The following NIPBL variants were observed in gnomAD, a reference collection of about 807,000 sequenced individuals.
NIPBL encodes the protein NIPBL cohesin loading factor.
Under a neutral mutation model 321.8 loss-of-function variants are expected in NIPBL, and 19 were observed. The ratio of observed to expected loss-of-function variants is 0.06; its 90% CI spans 0.04 to 0.09. NIPBL has a LOEUF of 0.09. Ranked by LOEUF, NIPBL falls within the 10% of genes least tolerant of loss-of-function variation. The pLI, the probability that NIPBL is intolerant of heterozygous loss-of-function variation, is 1.00. For synonymous variants in NIPBL, 1,106 were observed against 1,114.1 expected, an observed-to-expected ratio of 0.99 and a Z score of 0.14; for missense variants, 2,210 against 3,327.0, an observed-to-expected ratio of 0.66 and a Z score of 8.26.
Position 36,985,685 on chromosome 5 carries a change from G to T in NIPBL, c.2505G>T (p.Gly835=), listed in dbSNP as rs587783908. 2.5e-5 allele frequency: 40 copies of T among 1,613,690 alleles called. No individual in the cohort carries two copies. The highest frequency in any genetic ancestry group is 3.3e-5 in the Non-Finnish European group (39 of 1,179,962). The part of the protein sequence containing the change: ...DDRGESERHR[G]DQSRVRRPET... ...GGGGTGAATCAGAGCGACATCGAGG[G>T]GATCAGTCTAGGGTTCGAAGACCAG... Residue 835 remains glycine (G), a synonymous_variant, in exon 10 of 47, where the codon GGG becomes GGT. Coordinates refer to ENST00000282516, the MANE Select transcript of NIPBL (RefSeq NM_133433.4).
In NIPBL at chr5:37,026,436, AT is replaced by A. The variant is rs1040832379; in HGVS notation, c.5808+112del. On this transcript the variant is annotated intron_variant, in intron 31 of 46. Coordinates refer to ENST00000282516, the MANE Select transcript of NIPBL (RefSeq NM_133433.4). ...AATGAGATATTTCATTAATCTTGAC[AT>A]TTCGTACTGCTGCCTTTACTTTATA... is the stretch of plus-strand genomic sequence containing the variant. 21 of 725,430 alleles carry A rather than the reference AT, an allele frequency of 2.9e-5. No individual in the cohort carries two copies. In the African/African-American group the frequency reaches 3.0e-4, roughly 10 times the overall value. The allele number at this position is 725,430 out of a possible 1,614,324, so 44.9% of individuals were successfully genotyped here.
At chr5:36,907,724 C>G (rs1747746285) in intron 1 of NIPBL, among the ~76,000 whole-genome samples, 1 of 152,120 alleles carries the variant, frequency 6.6e-6, no homozygotes, top group Non-Finnish European at 1.5e-5. Flanking sequence ...CATATGTTAC[C>G]TTTACAATAA....
intron 6 of NIPBL, among the ~76,000 whole-genome samples, chr5:36,964,258 T>A (rs991023080): frequency 2.0e-5 from 3 of 152,008 alleles, no homozygotes; most frequent in Non-Finnish European, 4.4e-5. Context: ...CAGAAAAAAT[T>A]TATATGGAAC....
chr5:36,952,051 T>TGCGCGCGCGCGC (rs1554010252), intron 1 of NIPBL, among the ~76,000 whole-genome samples: 2 of 102,802 alleles, frequency 1.9e-5, no homozygotes, highest in Non-Finnish European at 4.6e-5. Flanking sequence ...TGTGTGTGTG[T>TGCGCGCGCGCGC]GTGCGCGCGC....
chr5:36,965,428 A>AGT (rs1393497074), intron 6 of NIPBL, among the ~76,000 whole-genome samples: 1 of 152,130 alleles, frequency 6.6e-6, no homozygotes, highest in East Asian at 1.9e-4. Flanking sequence ...AACACAGACA[A>AGT]ATATTATATG....
rs1481700624 is a variant in NIPBL at position 37,057,016 on chromosome 5, C to T, written c.7264-170C>T. On this transcript the variant is annotated intron_variant, in intron 42 of 46. Coordinates refer to ENST00000282516, the MANE Select transcript of NIPBL (RefSeq NM_133433.4). ...CCCCCTCTATATTTCTCTCCCTCCT[C>T]CTCTCCCTCTGTCTCTCTGTGTCTC... Among the ~76,000 whole-genome samples the T allele has an allele frequency of 3.9e-5, 6 of 152,086 alleles. No homozygotes were observed. In the South Asian group the frequency reaches 1.0e-3, roughly 26 times the overall value.
intron 1 of NIPBL, among the ~76,000 whole-genome samples, chr5:36,912,519 T>TGG (rs1554059946): frequency 2.0e-5 from 3 of 150,478 alleles, no homozygotes; most frequent in African/African-American, 7.4e-5. Context: ...TTTTTTTTTT[T>TGG]GGGGATGGAA....
intron 34 of NIPBL, among the ~76,000 whole-genome samples, chr5:37,039,064 AT>A (rs1450373579): frequency 6.6e-6 from 1 of 151,980 alleles, no homozygotes; most frequent in Non-Finnish European, 1.5e-5. Context: ...TTTACTTTTC[AT>A]TTGTCTGTCA....
intron 1 of NIPBL, among the ~76,000 whole-genome samples, chr5:36,918,456 C>T (rs1748652692): frequency 6.6e-6 from 1 of 152,136 alleles, no homozygotes; most frequent in Admixed American, 6.5e-5. Flanking sequence ...AATATACAGT[C>T]ATGTCATCTG....
intron 1 of NIPBL, among the ~76,000 whole-genome samples, chr5:36,899,671 T>C (rs1009901299): frequency 6.6e-6 from 1 of 152,218 alleles, no homozygotes; most frequent in Non-Finnish European, 1.5e-5. Context: ...CCTCCTGATT[T>C]TGTATTTTAG....
At chr5:37,041,260 T>TTTG (rs1561200174) in intron 34 of NIPBL, among the ~76,000 whole-genome samples, 1 of 121,946 alleles carries the variant, frequency 8.2e-6, no homozygotes, top group African/African-American at 3.4e-5. Flanking sequence ...TGGTTTTTTT[T>TTTG]TTTTTTTTTT....
At position 36,968,601 on chromosome 5, in the gene NIPBL, C is replaced by T. The variant is rs564751636; in HGVS notation, c.611-2275C>T. On this transcript the variant is annotated intron_variant, in intron 6 of 46. Transcript: ENST00000282516. ...TTAAGCTGGGTGTGATGGTGCACAT[C>T]TGTAGTCCCAGCTACTCAAGTGGCC... 9.9e-4 allele frequency among the ~76,000 whole-genome samples: 151 copies of T among 152,156 alleles called. 1 individual carries two copies. Among genetic ancestry groups the T allele is most frequent in the African/African-American group, 3.3e-3 (137 of 41,532 alleles).
intron 21 of NIPBL, among the ~76,000 whole-genome samples, chr5:37,014,319 G>A (rs887003157): frequency 1.3e-5 from 2 of 151,814 alleles, no homozygotes; most frequent in Non-Finnish European, 2.9e-5. Context: ...TTGATTGTAT[G>A]GATTATATGT....
At chr5:36,928,823 A>C (rs1448981008) in intron 1 of NIPBL, among the ~76,000 whole-genome samples, 5 of 152,210 alleles carry the variant, frequency 3.3e-5, no homozygotes, top group Non-Finnish European at 1.5e-5. Flanking sequence ...AGGTTCATTT[A>C]TGACATAACG....
intron 1 of NIPBL, among the ~76,000 whole-genome samples, chr5:36,936,085 A>C (rs1429996609): frequency 6.6e-6 from 1 of 152,134 alleles, no homozygotes; most frequent in African/African-American, 2.4e-5. Context: ...TCAATAAACT[A>C]TTCAGTAATT....
Position 36,962,180 on chromosome 5 carries a change from C to T in NIPBL, c.516C>T (p.Ser172=). The T allele has an allele frequency of 6.2e-7, 1 of 1,614,092 alleles. No individual in the cohort carries two copies. Among genetic ancestry groups the T allele is most frequent in the Non-Finnish European group, 8.5e-7 (1 of 1,179,974 alleles). ...ACAGATTTATGCCACAGCAAAATAGCCCAGTGCCTAGTCCATACGCCCCAC... is the reference window on the plus strand; with the variant it reads ...ACAGATTTATGCCACAGCAAAATAGTCCAGTGCCTAGTCCATACGCCCCAC... The part of the protein sequence containing the change: ...SGNRFMPQQN[S]PVPSPYAPQS... The change falls in exon 6 of 47, where the codon AGC becomes AGT. Residue 172 remains serine, a synonymous_variant. Transcript: ENST00000282516.
chr5:36,949,164 A>T (rs1243187546), intron 1 of NIPBL, among the ~76,000 whole-genome samples: 1 of 151,906 alleles, frequency 6.6e-6, no homozygotes, highest in East Asian at 1.9e-4. Flanking sequence ...AGAGATGAGG[A>T]AACTGAGGTG....
intron 1 of NIPBL, chr5:36,885,347 G>A (rs1283512668): frequency 1.5e-5 from 7 of 478,306 alleles, no homozygotes; most frequent in Admixed American, 4.7e-5. Context: ...GCGGATCTCC[G>A]TGTCCTGTTC....
chr5:36,886,878 C>CT (rs1376970755), intron 1 of NIPBL, among the ~76,000 whole-genome samples: 14 of 151,196 alleles, frequency 9.3e-5, no homozygotes, highest in South Asian at 2.1e-4. Context: ...CCTTTTATGT[C>CT]TTTTTTTTAA....
Sources: gnomAD v4.1 joint callset for allele counts (sites outside exome capture counted in the v4.1 genomes callset) on GRCh38, gnomAD v4.1.1 for gene constraint, MANE v1.5 for transcripts, NCBI Gene and HGNC (gene_info 2026-07-23, HGNC 2026-07-21) for gene names.